Variants in ACTR3C observed in about 807,000 individuals in gnomAD.
ACTR3C encodes actin-related protein 3C.
ACTR3C carries 18 observed loss-of-function variants against 26.3 expected under a neutral mutation model. The ratio of observed to expected loss-of-function variants is 0.68; its 90% CI spans 0.47 to 1.01. The LOEUF (loss-of-function observed/expected upper bound fraction) is 1.01, where lower values mean the gene tolerates loss of function less well. Ranked by LOEUF, ACTR3C falls within the 50% of genes least tolerant of loss-of-function variation. The pLI, the probability that ACTR3C is intolerant of heterozygous loss-of-function variation, is 0.00. For missense variants in ACTR3C, 184 were observed against 250.7 expected, an observed-to-expected ratio of 0.73 and a Z score of 1.80; for synonymous variants, 55 against 94.5, an observed-to-expected ratio of 0.58 and a Z score of 2.42.
In ACTR3C at chr7:150,300,492, G is replaced by A. The variant is rs184834947; in HGVS notation, c.-51-5145C>T. Among the ~76,000 whole-genome samples the A allele has an allele frequency of 4.4e-4, 67 of 152,198 alleles. No individual in the cohort carries two copies. The South Asian group carries it at 0.013, about 29-fold the overall frequency. Reference sequence around the variant, plus strand: ...GGCTTCCTCTAGGCAGGAAAGAGGCGAGGGGGGCACGCTCTCTAGAAATCT... The same window carrying A: ...GGCTTCCTCTAGGCAGGAAAGAGGCAAGGGGGGCACGCTCTCTAGAAATCT... On this transcript the variant is annotated intron_variant, in intron 1 of 7. Transcript: ENST00000683684.
chr7:150,277,560 C>G lies in ACTR3C; in HGVS notation c.564+7193G>C, dbSNP rs1236883642. Reference sequence around the variant, plus strand: ...GGCCCAGACCTGCAAAGCCTCCAACCTACAAATGCAACTCAACATCTCCAC... The same window carrying G: ...GGCCCAGACCTGCAAAGCCTCCAACGTACAAATGCAACTCAACATCTCCAC... On this transcript the variant is annotated intron_variant, in intron 6 of 7. Transcript: ENST00000683684. 2.0e-5 allele frequency among the ~76,000 whole-genome samples: 3 copies of G among 152,286 alleles called. No individual in the cohort carries two copies. The East Asian group carries it at 5.8e-4, about 29-fold the overall frequency.
the ACTR3C span, among the ~76,000 whole-genome samples, chr7:150,038,701 C>G: frequency 1.4e-5 from 2 of 142,172 alleles, no homozygotes; most frequent in Admixed American, 1.4e-4. Context: ...ACCTAACACC[C>G]ACAGTCCTCC....
the ACTR3C span, among the ~76,000 whole-genome samples, chr7:150,164,071 G>A: frequency 6.6e-6 from 1 of 152,062 alleles, no homozygotes; most frequent in Non-Finnish European, 1.5e-5. Context: ...AAGAACATTG[G>A]GACGCCCACG....
At chr7:150,302,225 T>A (rs1157645167) in intron 1 of ACTR3C, among the ~76,000 whole-genome samples, 1 of 152,216 alleles carries the variant, frequency 6.6e-6, no homozygotes, top group Admixed American at 6.5e-5. Context: ...TGGCAAATTT[T>A]AATCCATTAA....
the ACTR3C span, among the ~76,000 whole-genome samples, chr7:149,979,371 G>T: frequency 1.3e-5 from 2 of 152,198 alleles, no homozygotes; most frequent in Non-Finnish European, 2.9e-5. Context: ...AGTGAGGTAA[G>T]AATGGCATCT....
the ACTR3C span, among the ~76,000 whole-genome samples, chr7:150,051,150 G>T: frequency 6.7e-6 from 1 of 148,854 alleles, no homozygotes; most frequent in Non-Finnish European, 1.5e-5. Flanking sequence ...GTATGTGCAT[G>T]CACGTTTATG....
the ACTR3C span, among the ~76,000 whole-genome samples, chr7:150,015,770 G>A: frequency 6.6e-6 from 1 of 152,174 alleles, no homozygotes; most frequent in South Asian, 2.1e-4. Flanking sequence ...ATGCCACAGT[G>A]ACCGCTCCCT....
the ACTR3C span, among the ~76,000 whole-genome samples, chr7:150,075,606 C>A: frequency 6.6e-6 from 1 of 152,298 alleles, no homozygotes; most frequent in Non-Finnish European, 1.5e-5. Flanking sequence ...TATTTTAGAG[C>A]TGCCTCCTCC....
chr7:150,222,791 A>C, the ACTR3C span, among the ~76,000 whole-genome samples: 1 of 152,220 alleles, frequency 6.6e-6, no homozygotes, highest in Admixed American at 6.5e-5. Flanking sequence ...AATTGATTTT[A>C]TGTCACTTAT....
At chr7:150,000,104 G>A in the ACTR3C span, among the ~76,000 whole-genome samples, 1 of 151,210 alleles carries the variant, frequency 6.6e-6, no homozygotes, top group African/African-American at 2.4e-5. Context: ...GTCTCTATAT[G>A]TAGTTTTAGA....
chr7:150,314,217 C>A (rs1796596659), intron 1 of ACTR3C, among the ~76,000 whole-genome samples: 1 of 152,204 alleles, frequency 6.6e-6, no homozygotes, highest in Non-Finnish European at 1.5e-5. Context: ...GATCTGGGAT[C>A]AGTGACTTTA....
the ACTR3C span, among the ~76,000 whole-genome samples, chr7:150,097,606 G>A: frequency 6.6e-6 from 1 of 151,544 alleles, no homozygotes; most frequent in African/African-American, 2.4e-5. Context: ...CTCCTTTCTT[G>A]AAAACCTGTT....
At chr7:150,009,811 A>G in the ACTR3C span, among the ~76,000 whole-genome samples, 2 of 152,236 alleles carry the variant, frequency 1.3e-5, no homozygotes, top group South Asian at 2.1e-4. Context: ...CAAGGTCCCT[A>G]GCCTGCGGCT....
chr7:150,149,079 GTATATATATATATA>G, the ACTR3C span, among the ~76,000 whole-genome samples: 16,755 of 93,192 alleles, frequency 0.18, 1,934 homozygotes, highest in Middle Eastern at 0.26. Flanking sequence ...TAAAGTTTGA[GTATATATATATATA>G]TATATATATA....
chr7:150,017,552 C>T, the ACTR3C span, among the ~76,000 whole-genome samples: 3 of 150,162 alleles, frequency 2.0e-5, no homozygotes, highest in Non-Finnish European at 2.9e-5. Context: ...TCCATCTGGG[C>T]ATCAGGGATC....
chr7:150,194,104 A>G, the ACTR3C span, among the ~76,000 whole-genome samples: 1 of 148,762 alleles, frequency 6.7e-6, no homozygotes, highest in African/African-American at 2.5e-5. Context: ...GTGGGTTTTT[A>G]AAATTTTTGG....
chr7:150,039,350 T>TG, the ACTR3C span, among the ~76,000 whole-genome samples: 393 of 118,012 alleles, frequency 3.3e-3, no homozygotes, highest in African/African-American at 0.01. Flanking sequence ...CCCACCCTCG[T>TG]GGGGTTGCCT....
intron 6 of ACTR3C, among the ~76,000 whole-genome samples, chr7:150,278,937 C>A (rs1432712830): frequency 3.9e-5 from 6 of 152,158 alleles, no homozygotes; most frequent in South Asian, 2.1e-4. Context: ...GACAAAAAAA[C>A]CAATGATATG....
the ACTR3C span, among the ~76,000 whole-genome samples, chr7:150,080,114 T>A: frequency 1.4e-4 from 22 of 152,240 alleles, no homozygotes; most frequent in African/African-American, 4.8e-4. Flanking sequence ...GAAAAAGCTC[T>A]GGATCAGAAC....
Sources: gnomAD v4.1 joint callset for allele counts (sites outside exome capture counted in the v4.1 genomes callset) on GRCh38, gnomAD v4.1.1 for gene constraint, MANE v1.5 for transcripts, NCBI Gene and HGNC (gene_info 2026-07-23, HGNC 2026-07-21) for gene names.